KTN1: variants seen among roughly 807,000 people sequenced by gnomAD.
The protein encoded by KTN1 is kinectin 1.
A neutral mutation model predicts 222.5 loss-of-function variants in KTN1; 130 were observed. The ratio of observed to expected loss-of-function variants is 0.58; its 90% CI spans 0.51 to 0.68. The LOEUF is 0.68. Ranked by LOEUF, KTN1 falls within the 30% of genes least tolerant of loss-of-function variation. KTN1 has a pLI of 0.00. For missense variants in KTN1, 1,508 were observed against 1,500.4 expected, an observed-to-expected ratio of 1.01 and a Z score of -0.08; for synonymous variants, 512 against 496.3, an observed-to-expected ratio of 1.03 and a Z score of -0.42.
At chr14:55,660,233 C>A (rs574517993) in intron 31 of KTN1, among the ~76,000 whole-genome samples, 15 of 152,016 alleles carry the variant, frequency 9.9e-5, no homozygotes, top group South Asian at 4.2e-4. Context: ...TTTAGAAATT[C>A]CGGGTGTGAT....
intron 30 of KTN1, among the ~76,000 whole-genome samples, chr14:55,659,239 G>A (rs1329779051): frequency 6.6e-6 from 1 of 151,110 alleles, no homozygotes; most frequent in Non-Finnish European, 1.5e-5. Flanking sequence ...ACCTTTGCAT[G>A]TTGATGTATA....
At chr14:55,587,097 G>C (rs962643341) in intron 1 of KTN1, among the ~76,000 whole-genome samples, 1 of 141,142 alleles carries the variant, frequency 7.1e-6, no homozygotes, top group Non-Finnish European at 1.6e-5. Context: ...ATAATGTGAG[G>C]CAGGGACTGT....
intron 39 of KTN1, 52 bp downstream of exon 39, chr14:55,673,064 A>G (rs565553801): frequency 2.6e-6 from 4 of 1,519,690 alleles, no homozygotes; most frequent in Non-Finnish European, 1.8e-6. Context: ...GATTAAGTTT[A>G]TAACAGTGAT....
At chr14:55,602,659 A>G (rs1170499916) in intron 1 of KTN1, among the ~76,000 whole-genome samples, 1 of 151,022 alleles carries the variant, frequency 6.6e-6, no homozygotes, top group Non-Finnish European at 1.5e-5. Flanking sequence ...ATGGCTTACT[A>G]TAGCCTTGAG....
chr14:55,650,550 C>G lies in KTN1; in HGVS notation c.2497-19C>G. 1 of 1,594,070 alleles carries G rather than the reference C, an allele frequency of 6.3e-7. No individual in the cohort carries two copies. Among genetic ancestry groups the G allele is most frequent in the Non-Finnish European group, 8.6e-7 (1 of 1,163,274 alleles). On this transcript the variant is annotated intron_variant, in intron 23 of 43. Transcript: ENST00000395314. ...CTGTGTTTCCATTGTCCAATCTTGT[C>G]TGTTTTGTCATTGTCAAGGATTTGA...
In KTN1 at chr14:55,678,417, T is replaced by G; in HGVS notation, c.3921T>G (p.Ile1307Met). 1 of 1,609,014 alleles carries G rather than the reference T, an allele frequency of 6.2e-7. No individual in the cohort carries two copies. The highest frequency in any genetic ancestry group is 8.5e-7 in the Non-Finnish European group (1 of 1,175,400). ...IVKAAGDTTV[I>M]ENSDVSPETE... ...AAGCTGCTGGAGACACTACTGTTAT[T>G]GAAAATAGTGATGTTTCCCCAGAAA... The change falls in exon 42 of 44, where the codon ATT becomes ATG. Residue 1307 changes from isoleucine (I) to methionine (M), a missense_variant. Physicochemically the swap from Ile to Met is conservative, Grantham distance 10. Coordinates refer to ENST00000395314, the MANE Select transcript of KTN1 (RefSeq NM_001079521.2).
In KTN1 at chr14:55,612,117, C is replaced by T. The variant is rs749552471; in HGVS notation, c.69C>T (p.Leu23=). ...CAATAGTTATTACAGTAATTTTCCT[C>T]TTCTTCTGGCTTTTCATGAAAGAAA... The part of the protein sequence containing the change: ...IPSIVITVIF[L]FFWLFMKETL... Residue 23 remains leucine, a synonymous_variant, in exon 2 of 44, where the codon CTC becomes CTT. Transcript: ENST00000395314. 1.3e-6 allele frequency: 2 copies of T among 1,556,494 alleles called. No individual in the cohort carries two copies. Among genetic ancestry groups the T allele is most frequent in the East Asian group, 2.3e-5 (1 of 44,148 alleles).
At chr14:55,580,892 C>G (rs1212839309) in intron 1 of KTN1, among the ~76,000 whole-genome samples, 2 of 152,144 alleles carry the variant, frequency 1.3e-5, no homozygotes, top group African/African-American at 4.8e-5. Context: ...GCGGTCTGGG[C>G]GCTCGCCCCC....
At chr14:55,677,715 T>G (rs2046007968) in intron 41 of KTN1, among the ~76,000 whole-genome samples, 1 of 152,184 alleles carries the variant, frequency 6.6e-6, no homozygotes, top group Admixed American at 6.5e-5. Context: ...ATATATTTTT[T>G]GAGATGGAGT....
chr14:55,616,734 C>G (rs1214281366), intron 3 of KTN1, 80 bp downstream of exon 3: 1 of 1,113,912 alleles, frequency 9.0e-7, no homozygotes, highest in East Asian at 2.5e-5. Flanking sequence ...ATCTCACACG[C>G]TCTTTAGCTC....
chr14:55,589,363 A>G (rs771608878), intron 1 of KTN1, among the ~76,000 whole-genome samples: 48 of 152,098 alleles, frequency 3.2e-4, no homozygotes, highest in East Asian at 1.9e-4. Flanking sequence ...CAGTGGTACA[A>G]TCTTGGCTCA....
chr14:55,667,518 T>G (rs2044935292), intron 34 of KTN1, 188 bp downstream of exon 34: 1 of 358,374 alleles, frequency 2.8e-6, no homozygotes. Flanking sequence ...TACCTGATAC[T>G]ATTGTTTCTA....
At chr14:55,661,444 A>C in intron 31 of KTN1, 78 bp from the exon 32 acceptor site, 1 of 747,036 alleles carries the variant, frequency 1.3e-6, no homozygotes, top group Non-Finnish European at 2.4e-6. Flanking sequence ...TTGTAATAGC[A>C]AATGTTGATA....
intron 3 of KTN1, among the ~76,000 whole-genome samples, chr14:55,616,895 A>G (rs1215205134): frequency 3.3e-5 from 5 of 152,248 alleles, no homozygotes; most frequent in Non-Finnish European, 7.3e-5. Context: ...CAAAGCATTT[A>G]TAAATATTCT....
chr14:55,581,663 T>A (rs1418260666), intron 1 of KTN1, among the ~76,000 whole-genome samples: 1 of 152,202 alleles, frequency 6.6e-6, no homozygotes, highest in Non-Finnish European at 1.5e-5. Context: ...TTAGAATTTT[T>A]GCTAAATTAG....
chr14:55,653,674 T>C, intron 28 of KTN1, 78 bp downstream of exon 28: 1 of 1,037,566 alleles, frequency 9.6e-7, no homozygotes, highest in Non-Finnish European at 1.5e-6. Flanking sequence ...AATATAATGA[T>C]GAGTTTCCTG....
chr14:55,630,921 G>C (rs1276239949), intron 7 of KTN1, among the ~76,000 whole-genome samples: 1 of 152,152 alleles, frequency 6.6e-6, no homozygotes, highest in African/African-American at 2.4e-5. Flanking sequence ...AGGGCTTGGT[G>C]TTAGTGTGAA....
chr14:55,584,332 A>C (rs1027324294), intron 1 of KTN1, among the ~76,000 whole-genome samples: 3 of 152,224 alleles, frequency 2.0e-5, no homozygotes, highest in Non-Finnish European at 2.9e-5. Flanking sequence ...ATCAATAAAC[A>C]AAACAGACGA....
intron 9 of KTN1, among the ~76,000 whole-genome samples, chr14:55,635,345 T>C (rs1342093199): frequency 6.6e-6 from 1 of 152,214 alleles, no homozygotes; most frequent in Non-Finnish European, 1.5e-5. Flanking sequence ...AGAAATCATG[T>C]AGTTAAAAAT....
Sources: gnomAD v4.1 joint callset for allele counts (sites outside exome capture counted in the v4.1 genomes callset) on GRCh38, gnomAD v4.1.1 for gene constraint, MANE v1.5 for transcripts, NCBI Gene and HGNC (gene_info 2026-07-23, HGNC 2026-07-21) for gene names.